MAP2K1: variants seen among roughly 807,000 people sequenced by gnomAD.
MAP2K1 encodes the protein mitogen-activated protein kinase kinase 1, also known as dual specificity mitogen-activated protein kinase kinase 1.
A neutral mutation model predicts 46.3 loss-of-function variants in MAP2K1; 16 were observed. The ratio of observed to expected loss-of-function variants is 0.35; its 90% confidence interval spans 0.23 to 0.52. The LOEUF (loss-of-function observed/expected upper bound fraction) is 0.52. MAP2K1 is among the 20% of genes least tolerant of loss of function. The probability of loss-of-function intolerance (pLI) is 0.94; values close to 1 mark genes in which losing one functional copy is unlikely to be tolerated. For synonymous variants in MAP2K1, 183 were observed against 185.6 expected (o/e 0.99, Z 0.11); for missense variants, 263 against 497.1 (o/e 0.53, Z 4.48).
Position 66,436,894 on chromosome 15 carries a change from T to C in MAP2K1, c.438+2T>C. 6.2e-7 allele frequency: 1 copy of C among 1,614,048 alleles called. No homozygotes were observed. Among genetic ancestry groups the C allele is most frequent in the Non-Finnish European group, 8.5e-7 (1 of 1,179,950 alleles). ...ATCAGTATCTGCATGGAGCACATGG[T>C]ATGTGACACCCTCTCAGCCTCTGGA... On this transcript the variant is annotated splice_donor_variant, in intron 3 of 10. Transcript: ENST00000307102. LOFTEE classifies it high-confidence loss of function.
Position 66,389,832 on chromosome 15 carries a change from A to G in MAP2K1, c.80+2405A>G, listed in dbSNP as rs111752292. Reference sequence around the variant, plus strand: ...CGTGATCCTCCCACCTCAGCCTCCTAAAGTGCTGGGATTACAGCCCGGCCT... The same window carrying G: ...CGTGATCCTCCCACCTCAGCCTCCTGAAGTGCTGGGATTACAGCCCGGCCT... On this transcript the variant is annotated intron_variant, in intron 1 of 10. Coordinates refer to ENST00000307102, the MANE Select transcript of MAP2K1 (RefSeq NM_002755.4). Among the ~76,000 whole-genome samples, 1,017 of 152,126 alleles carry G rather than the reference A, an allele frequency of 6.7e-3. 16 individuals are homozygous for G. The highest frequency in any genetic ancestry group is 0.023 in the African/African-American group (973 of 41,482).
At chr15:66,474,723 G>A (rs1047938465) in intron 5 of MAP2K1, among the ~76,000 whole-genome samples, 11 of 152,012 alleles carry the variant, frequency 7.2e-5, no homozygotes, top group African/African-American at 2.2e-4. Context: ...AACAGGTGAC[G>A]CCTTCCTATT....
chr15:66,470,118 T>TTG, intron 5 of MAP2K1, among the ~76,000 whole-genome samples: 1 of 67,472 alleles, frequency 1.5e-5, no homozygotes, highest in Admixed American at 1.6e-4. Flanking sequence ...TTTTTTTTTT[T>TTG]GTGGGAATTT....
intron 3 of MAP2K1, 140 bp from the exon 4 acceptor site, chr15:66,443,140 G>C (rs192269699): frequency 1.1e-5 from 6 of 545,540 alleles, no homozygotes; most frequent in African/African-American, 1.0e-4. Context: ...CAGGCTGAGT[G>C]CAGTGGTGTG....
At chr15:66,463,089 G>A (rs983214057) in intron 5 of MAP2K1, among the ~76,000 whole-genome samples, 1 of 152,172 alleles carries the variant, frequency 6.6e-6, no homozygotes, top group African/African-American at 2.4e-5. Flanking sequence ...CAATTCCCAA[G>A]TCTCTGAGTA....
rs146013881 is a variant in MAP2K1, at chr15:66,476,027, C to G, written c.569-5728C>G. Among the ~76,000 whole-genome samples, 333 of 152,264 alleles carry G rather than the reference C, an allele frequency of 2.2e-3. 2 individuals are homozygous for G. Among genetic ancestry groups the G allele is most frequent in the African/African-American group, 7.9e-3 (328 of 41,538 alleles). ...GCTTTGAATAGTGTTATTCCTGGGA[C>G]AGAAAATATCGGAGAAGAACATACT... On this transcript the variant is annotated intron_variant, in intron 5 of 10. Coordinates refer to ENST00000307102, the MANE Select transcript of MAP2K1 (RefSeq NM_002755.4).
intron 1 of MAP2K1, among the ~76,000 whole-genome samples, chr15:66,427,947 A>T (rs1379119098): frequency 6.6e-6 from 1 of 152,102 alleles, no homozygotes; most frequent in African/African-American, 2.4e-5. Flanking sequence ...CCAGGAGGTG[A>T]AGGTTGCAGT....
chr15:66,487,737 G>A (rs1036338751), intron 8 of MAP2K1, among the ~76,000 whole-genome samples: 2 of 152,042 alleles, frequency 1.3e-5, no homozygotes, highest in Admixed American at 6.6e-5. Flanking sequence ...TTAGTTCGTC[G>A]CTGCTTAAGG....
chr15:66,435,117 G>A lies in MAP2K1; in HGVS notation c.171G>A (p.Lys57=), dbSNP rs869025608. 2.5e-6 allele frequency: 4 copies of A among 1,614,142 alleles called. No individual in the cohort carries two copies. The highest frequency in any genetic ancestry group is 3.4e-6 in the Non-Finnish European group (4 of 1,179,986). ...GCCTTGAGGCCTTTCTTACCCAGAA[G>A]CAGAAGGTGGGAGAACTGAAGGATG... ...RKRLEAFLTQ[K]QKVGELKDDD... Residue 57 remains lysine, a synonymous_variant, in exon 2 of 11, where the codon AAG becomes AAA. Transcript: ENST00000307102.
intron 1 of MAP2K1, among the ~76,000 whole-genome samples, chr15:66,414,772 A>G (rs1203385533): frequency 2.0e-5 from 3 of 147,166 alleles, no homozygotes; most frequent in Non-Finnish European, 4.5e-5. Context: ...GCCAGCCCCC[A>G]TCCTGTGTCT....
intron 1 of MAP2K1, among the ~76,000 whole-genome samples, chr15:66,423,718 C>T (rs1410446104): frequency 6.8e-6 from 1 of 146,012 alleles, no homozygotes; most frequent in Non-Finnish European, 1.5e-5. Context: ...AGTGTTTCTT[C>T]TGCCTCAGCC....
At chr15:66,389,736 G>A (rs1952824724) in intron 1 of MAP2K1, among the ~76,000 whole-genome samples, 1 of 151,932 alleles carries the variant, frequency 6.6e-6, no homozygotes, top group African/African-American at 2.4e-5. Flanking sequence ...AACCGTGCCT[G>A]GCTAATTTTT....
At chr15:66,467,798 T>C (rs977637497) in intron 5 of MAP2K1, among the ~76,000 whole-genome samples, 5 of 152,206 alleles carry the variant, frequency 3.3e-5, no homozygotes, top group African/African-American at 9.6e-5. Context: ...TGACCTCAAG[T>C]GATCTGCCTG....
rs1555419237 is a variant in MAP2K1 at position 66,469,497 on chromosome 15, T to TTTTTG, written c.569-12256_569-12255insTTGTT. 1.0e-3 allele frequency among the ~76,000 whole-genome samples: 151 copies of TTTTTG among 145,010 alleles called. 2 individuals are homozygous for TTTTTG. Among genetic ancestry groups the TTTTTG allele is most frequent in the African/African-American group, 3.6e-3 (142 of 39,030 alleles). ...CTTTTTTTTTTTTTTTTTTTTTTTTTTTGTTGAGGAACTCCAGGCTATTAT... is the reference window on the plus strand; with the variant it reads ...CTTTTTTTTTTTTTTTTTTTTTTTTTTTTTGTTGTTGAGGAACTCCAGGCTATTAT... On this transcript the variant is annotated intron_variant, in intron 5 of 10. Coordinates refer to ENST00000307102, the MANE Select transcript of MAP2K1 (RefSeq NM_002755.4).
At chr15:66,388,051 T>TC (rs1313662011) in intron 1 of MAP2K1, among the ~76,000 whole-genome samples, 1 of 152,198 alleles carries the variant, frequency 6.6e-6, no homozygotes, top group Non-Finnish European at 1.5e-5. Context: ...TTCATCCTAC[T>TC]CTTCATTCAT....
At chr15:66,487,882 G>A (rs1000027199) in intron 8 of MAP2K1, among the ~76,000 whole-genome samples, 2 of 152,110 alleles carry the variant, frequency 1.3e-5, no homozygotes, top group African/African-American at 4.8e-5. Flanking sequence ...GGTTAGATAC[G>A]CCATTGCGTC....
intron 5 of MAP2K1, among the ~76,000 whole-genome samples, chr15:66,461,945 G>C (rs1362454615): frequency 2.6e-5 from 4 of 152,194 alleles, no homozygotes; most frequent in Non-Finnish European, 4.4e-5. Flanking sequence ...CTCAGGATCA[G>C]ATGAAACTCT....
intron 1 of MAP2K1, among the ~76,000 whole-genome samples, chr15:66,400,690 C>T (rs908902646): frequency 2.6e-5 from 4 of 152,168 alleles, no homozygotes; most frequent in East Asian, 1.9e-4. Flanking sequence ...GTCTTCTCCT[C>T]CCAAGATGAA....
At chr15:66,461,901 A>G (rs1345122157) in intron 5 of MAP2K1, among the ~76,000 whole-genome samples, 1 of 152,202 alleles carries the variant, frequency 6.6e-6, no homozygotes, top group Non-Finnish European at 1.5e-5. Context: ...TTTTAGAGGT[A>G]ATCTCAATTC....
Sources: gnomAD v4.1 joint callset for allele counts (sites outside exome capture counted in the v4.1 genomes callset) on GRCh38, gnomAD v4.1.1 for gene constraint, MANE v1.5 for transcripts, NCBI Gene and HGNC (gene_info 2026-07-23, HGNC 2026-07-21) for gene names.